WNK2: variants seen among roughly 807,000 people sequenced by gnomAD.
WNK2 encodes serine/threonine-protein kinase WNK2.
A neutral mutation model predicts 192.1 loss-of-function variants in WNK2; 67 were observed. That is an observed-to-expected ratio of 0.35 (90% CI 0.29 to 0.43). The LOEUF is 0.43. Among genes scored for constraint, WNK2 ranks in the 20% least tolerant of loss-of-function variants. The pLI is 1.00. For missense variants in WNK2, 2,698 were observed against 3,089.7 expected, an observed-to-expected ratio of 0.87 and a Z score of 3.01; for synonymous variants, 1,439 against 1,393.9, an observed-to-expected ratio of 1.03 and a Z score of -0.72.
At chr9:93,243,765 C>T (rs1841194117) in intron 7 of WNK2, among the ~76,000 whole-genome samples, 1 of 152,190 alleles carries the variant, frequency 6.6e-6, no homozygotes, top group Non-Finnish European at 1.5e-5. Context: ...TTCCCACCCG[C>T]TTCAGACACC....
intron 8 of WNK2, among the ~76,000 whole-genome samples, chr9:93,251,621 A>G (rs987938893): frequency 1.3e-5 from 2 of 152,230 alleles, no homozygotes; most frequent in South Asian, 2.1e-4. Flanking sequence ...GAAGCAGGAG[A>G]ATTGCTTGAG....
Position 93,318,945 on chromosome 9 carries a change from TTCAAATCTATTATTCCA to T in WNK2, c.6628+1319_6628+1335del. On this transcript the variant is annotated intron_variant, in intron 29 of 29. Transcript: ENST00000427277. Reference sequence around the variant, plus strand: ...ATTAGAACTGGGTAAATTATTTTGGTTCAAATCTATTATTCCATCAATTCAGTTAGAATTGAATTTTC... The same window carrying T: ...ATTAGAACTGGGTAAATTATTTTGGTTCAATTCAGTTAGAATTGAATTTTC... 2.1e-6 allele frequency: 3 copies of T among 1,427,170 alleles called. No homozygotes were observed. The East Asian group carries it at 7.6e-5, about 36-fold the overall frequency. 88.4% of individuals were successfully genotyped at this position (1,427,170 alleles called of 1,614,324 possible). A position where few individuals can be genotyped will look rare whatever the true frequency, so the allele number is the denominator to read the frequency against.
intron 2 of WNK2, among the ~76,000 whole-genome samples, chr9:93,212,944 T>C (rs1280055883): frequency 6.6e-6 from 1 of 152,202 alleles, no homozygotes; most frequent in Non-Finnish European, 1.5e-5. Context: ...ACCTTTTGAA[T>C]GTGAAACGTC....
At chr9:93,228,706 G>T (rs1266733157) in intron 2 of WNK2, among the ~76,000 whole-genome samples, 2 of 152,214 alleles carry the variant, frequency 1.3e-5, no homozygotes, top group African/African-American at 2.4e-5. Context: ...GTGAGGGGAA[G>T]TTGGAAGCAC....
chr9:93,310,063 C>A (rs1853367265), intron 28 of WNK2, among the ~76,000 whole-genome samples: 1 of 152,126 alleles, frequency 6.6e-6, no homozygotes, highest in Non-Finnish European at 1.5e-5. Flanking sequence ...TGGCTCTTGA[C>A]CCGGCTGTCA....
At chr9:93,260,058 C>T (rs762738468) in intron 12 of WNK2, among the ~76,000 whole-genome samples, 7 of 151,916 alleles carry the variant, frequency 4.6e-5, no homozygotes, top group African/African-American at 1.5e-4. Context: ...AGGCCGATAG[C>T]GGGGCAGGGG....
At chr9:93,263,200 A>G (rs1844575915) in intron 14 of WNK2, 1 of 400,474 alleles carries the variant, frequency 2.5e-6, no homozygotes, top group Non-Finnish European at 4.6e-6. Context: ...TGGGCTTGGC[A>G]TTTTGCAAAC....
intron 2 of WNK2, among the ~76,000 whole-genome samples, chr9:93,210,505 G>A (rs1834308020): frequency 6.6e-6 from 1 of 152,060 alleles, no homozygotes; most frequent in Admixed American, 6.5e-5. Flanking sequence ...TGGGGAACTC[G>A]CCTTCCTGTG....
At chr9:93,297,066 C>T (rs888417520) in intron 23 of WNK2, among the ~76,000 whole-genome samples, 7 of 140,648 alleles carry the variant, frequency 5.0e-5, no homozygotes, top group African/African-American at 2.0e-4. Flanking sequence ...GCATCTTCCC[C>T]TCCACATCCT....
chr9:93,318,292 T>A, intron 29 of WNK2: 7 of 1,518,958 alleles, frequency 4.6e-6, no homozygotes, highest in Non-Finnish European at 6.2e-6. Flanking sequence ...GGTTTTCTGT[T>A]GTAAATGCCT....
At chr9:93,296,876 C>T (rs1227283811) in intron 23 of WNK2, among the ~76,000 whole-genome samples, 10 of 93,484 alleles carry the variant, frequency 1.1e-4, no homozygotes, top group East Asian at 7.2e-4. Flanking sequence ...CCCCTCCGCA[C>T]CCTCCCCTCC....
Position 93,259,145 on chromosome 9 carries a change from G to A in WNK2, c.2597G>A (p.Gly866Glu). 2 of 1,611,404 alleles carry A rather than the reference G, an allele frequency of 1.2e-6. No homozygotes were observed. Among genetic ancestry groups the A allele is most frequent in the East Asian group, 4.5e-5 (2 of 44,802 alleles). The stretch of plus-strand genomic sequence containing the variant: ...GCTGTGAAGCTGCCCCACCCCCCTG[G>A]GGCGCCCCTGGCCATGCCCTGCCGG... ...LQAVKLPHPP[G>E]APLAMPCRTI... is the part of the protein sequence containing the mutation. Residue 866 changes from glycine to glutamate, a missense_variant, in exon 12 of 30, where the codon GGG (glycine) becomes GAG (glutamate). This residue lies in a region of WNK2 where 893 missense variants were observed against 909.0 expected (regional missense o/e 0.98). Coordinates refer to ENST00000427277, the MANE Select transcript of WNK2 (RefSeq NM_006648.4). This position sits in a 1 kb window ranked among gnomAD's most constrained non-coding sequence, Gnocchi z 4.8.
intron 15 of WNK2, 65 bp from the exon 16 acceptor site, chr9:93,263,831 GGGGAGGGGTACTTGGGGGTGT>G: frequency 1.9e-6 from 1 of 521,240 alleles, no homozygotes; most frequent in Non-Finnish European, 3.2e-6. Context: ...TGGGGGTGGG[GGGGAGGGGTACTTGGGGGTGT>G]GTGGGGGTGT....
intron 2 of WNK2, among the ~76,000 whole-genome samples, chr9:93,206,527 G>A (rs992757964): frequency 2.0e-5 from 3 of 151,570 alleles, no homozygotes; most frequent in East Asian, 3.9e-4. Flanking sequence ...GGGTGGGGGT[G>A]GATTTCTAGG....
intron 19 of WNK2, among the ~76,000 whole-genome samples, chr9:93,281,477 C>T (rs1273182765): frequency 1.3e-5 from 2 of 151,854 alleles, no homozygotes; most frequent in Non-Finnish European, 1.5e-5. Context: ...TCGGCAAGCT[C>T]TAAAGAAACT....
Position 93,289,080 on chromosome 9 carries a change from C to G in WNK2, c.4326C>G (p.Ala1442=), listed in dbSNP as rs1422098807. The change falls in exon 20 of 30, where the codon GCC becomes GCG. Residue 1442 remains alanine (A), a synonymous_variant. Coordinates refer to ENST00000427277, the MANE Select transcript of WNK2 (RefSeq NM_006648.4). ...TSQPLAETHE[A]PLAVQPLVVG... is the part of the protein sequence containing the mutation. ...AGCCACTAGCGGAGACTCACGAGGC[C>G]CCGCTTGCTGTGCAGCCCCTCGTGG... is the stretch of plus-strand genomic sequence containing the variant. 3 of 1,607,812 alleles carry G rather than the reference C, an allele frequency of 1.9e-6. No homozygotes were observed. The African/African-American group carries it at 4.0e-5, about 21-fold the overall frequency.
chr9:93,207,861 G>C lies in WNK2; in HGVS notation c.682-21835G>C, dbSNP rs139796144. Reference sequence around the variant, plus strand: ...GGAAAGGAAAAAAAAGAATTCCTGTGGGTTCGGAGAGAACACAGCCACCGT... The same window carrying C: ...GGAAAGGAAAAAAAAGAATTCCTGTCGGTTCGGAGAGAACACAGCCACCGT... On this transcript the variant is annotated intron_variant, in intron 2 of 29. Coordinates refer to ENST00000427277, the MANE Select transcript of WNK2 (RefSeq NM_006648.4). Among the ~76,000 whole-genome samples, 316 of 152,324 alleles carry C rather than the reference G, an allele frequency of 2.1e-3. 2 individuals carry two copies. The highest frequency in any genetic ancestry group is 3.5e-3 in the Non-Finnish European group (237 of 68,024).
chr9:93,219,261 C>A (rs1301472010), intron 2 of WNK2, among the ~76,000 whole-genome samples: 1 of 152,238 alleles, frequency 6.6e-6, no homozygotes, highest in Non-Finnish European at 1.5e-5. Flanking sequence ...ACCCCCAGTC[C>A]CATTGGTCAA....
At chr9:93,294,736 A>T (rs900827169) in intron 23 of WNK2, among the ~76,000 whole-genome samples, 27 of 152,190 alleles carry the variant, frequency 1.8e-4, no homozygotes, top group Non-Finnish European at 3.7e-4. Flanking sequence ...TGGGGACTAG[A>T]AATGGCAGAA....
Sources: allele counts gnomAD v4.1 joint callset (sites outside exome capture counted in the v4.1 genomes callset), GRCh38; gene constraint gnomAD v4.1.1; regional missense constraint gnomAD v4.1.1; non-coding constraint Gnocchi (gnomAD v3.1); transcripts MANE v1.5; gene names NCBI Gene and HGNC (gene_info 2026-07-23, HGNC 2026-07-21).